Variants in POLQ observed in about 807,000 individuals in gnomAD.
POLQ encodes DNA polymerase theta, also known as epididymis secretory sperm binding protein.
In POLQ, 233 loss-of-function variants were observed where a neutral mutation model predicts 259.2. That is an observed-to-expected ratio of 0.90 (90% CI 0.81 to 1.00). The LOEUF (loss-of-function observed/expected upper bound fraction) is 1.00, where lower values mean the gene tolerates loss of function less well. POLQ is among the 50% of genes least tolerant of loss of function. POLQ has a pLI of 0.00. For missense variants in POLQ, 2,871 were observed against 3,051.6 expected (o/e 0.94, Z 1.39); for synonymous variants, 1,025 against 1,048.8 (o/e 0.98, Z 0.44).
At chr3:121,451,235 T>A (rs1337538103) in intron 25 of POLQ, among the ~76,000 whole-genome samples, 1 of 152,228 alleles carries the variant, frequency 6.6e-6, no homozygotes, top group African/African-American at 2.4e-5. Flanking sequence ...GGGTCCAAAC[T>A]TCCTCCTTTA....
In POLQ at chr3:121,524,937, TACACAC is replaced by T. The variant is rs33965431; in HGVS notation, c.1109-2794_1109-2789del. Among the ~76,000 whole-genome samples the T allele has an allele frequency of 7.0e-3, 1,032 of 148,126 alleles. 12 individuals are homozygous for T. The highest frequency in any genetic ancestry group is 0.037 in the East Asian group (188 of 5,058). The stretch of plus-strand genomic sequence containing the variant: ...ATGTGCGTGTATATTTGTGTATAAA[TACACAC>T]ACACACACACACACACACACACACA... On this transcript the variant is annotated intron_variant, in intron 7 of 29. Coordinates refer to ENST00000264233, the MANE Select transcript of POLQ (RefSeq NM_199420.4).
intron 9 of POLQ, among the ~76,000 whole-genome samples, chr3:121,517,481 G>C (rs959541604): frequency 6.6e-6 from 1 of 152,058 alleles, no homozygotes; most frequent in African/African-American, 2.4e-5. Flanking sequence ...ACTGAAAGCT[G>C]TTCCAATAGC....
chr3:121,474,313 G>GCC (rs1452032759), intron 20 of POLQ, among the ~76,000 whole-genome samples: 1 of 152,124 alleles, frequency 6.6e-6, no homozygotes, highest in Non-Finnish European at 1.5e-5. Context: ...GGAGAAGGTG[G>GCC]CCAATACAAT....
Position 121,544,722 on chromosome 3 carries a change from G to T in POLQ, c.343+5C>A, listed in dbSNP as rs2048516608. ...ATAGTAATTAGTTTACATAAATTTG[G>T]ATACCTGAATAAACTAAATTCTTTC... On this transcript the variant is annotated splice_donor_5th_base_variant and intron_variant, in intron 2 of 29. Transcript: ENST00000264233. The T allele has an allele frequency of 1.3e-6, 2 of 1,569,414 alleles. No individual in the cohort carries two copies. The highest frequency in any genetic ancestry group is 8.8e-7 in the Non-Finnish European group (1 of 1,141,342).
rs1342280515 is a variant in POLQ at position 121,431,674 on chromosome 3, A to G, written c.*630T>C. 5 of 152,684 alleles carry G rather than the reference A, an allele frequency of 3.3e-5. No individual in the cohort carries two copies. Among genetic ancestry groups the G allele is most frequent in the Admixed American group, 3.3e-4 (5 of 15,280 alleles). The allele number at this position is 152,684 out of a possible 1,614,324, so 9.5% of individuals were successfully genotyped here. A position where few individuals can be genotyped will look rare whatever the true frequency, so the allele number is the denominator to read the frequency against. On this transcript the variant is annotated 3_prime_UTR_variant, in exon 30 of 30. Coordinates refer to ENST00000264233, the MANE Select transcript of POLQ (RefSeq NM_199420.4). ...AGGTATAGTTTATTTTATAATATGT[A>G]AGTATTCCAAATACATTCATTGTAT...
intron 5 of POLQ, among the ~76,000 whole-genome samples, chr3:121,533,653 C>T (rs1314845591): frequency 6.6e-6 from 1 of 152,120 alleles, no homozygotes; most frequent in Non-Finnish European, 1.5e-5. Flanking sequence ...GTAGCTGGGA[C>T]TATAGGTGTG....
chr3:121,462,787 C>A (rs2047802587), intron 24 of POLQ, among the ~76,000 whole-genome samples: 1 of 152,162 alleles, frequency 6.6e-6, no homozygotes, highest in Non-Finnish European at 1.5e-5. Flanking sequence ...ACCTTATGAA[C>A]AGGAATAACC....
chr3:121,447,373 T>C (rs777181690), intron 26 of POLQ, among the ~76,000 whole-genome samples: 1 of 151,936 alleles, frequency 6.6e-6, no homozygotes, highest in Non-Finnish European at 1.5e-5. Flanking sequence ...AGTTTCACCA[T>C]GTTGGTCTTG....
rs903756826 is a variant in POLQ at position 121,541,207 on chromosome 3, G to A, written c.474+142C>T. ...CTTGCTGTAAATTTTTAATGCTTTTGGCAGTAGCCTCTTAAAGCTACATAG... is the reference window on the plus strand; with the variant it reads ...CTTGCTGTAAATTTTTAATGCTTTTAGCAGTAGCCTCTTAAAGCTACATAG... On this transcript the variant is annotated intron_variant, in intron 3 of 29. Transcript: ENST00000264233. 1.6e-4 allele frequency: 115 copies of A among 712,042 alleles called. 1 individual carries two copies. The highest frequency in any genetic ancestry group is 1.3e-3 in the Middle Eastern group (3 of 2,346). The allele number at this position is 712,042 out of a possible 1,614,324, so 44.1% of individuals were successfully genotyped here. A position where few individuals can be genotyped will look rare whatever the true frequency, so the allele number is the denominator to read the frequency against.
At chr3:121,478,082 G>A (rs576895674) in intron 19 of POLQ, among the ~76,000 whole-genome samples, 3 of 152,260 alleles carry the variant, frequency 2.0e-5, no homozygotes, top group East Asian at 3.9e-4. Context: ...GAGCAAGGTC[G>A]TTATGGGAAT....
intron 13 of POLQ, 121 bp from the exon 14 acceptor site, chr3:121,497,053 G>T: frequency 1.0e-6 from 1 of 987,998 alleles, no homozygotes; most frequent in Non-Finnish European, 1.5e-6. Context: ...ACATTGTGGT[G>T]AGATTCTTAA....
chr3:121,484,328 C>T (rs1482640255), intron 17 of POLQ, among the ~76,000 whole-genome samples: 1 of 152,120 alleles, frequency 6.6e-6, no homozygotes, highest in Non-Finnish European at 1.5e-5. Flanking sequence ...TTATATAATT[C>T]GACTACTATA....
chr3:121,526,890 T>TGTGTGCGC (rs542001955), intron 7 of POLQ, among the ~76,000 whole-genome samples: 1 of 151,346 alleles, frequency 6.6e-6, no homozygotes, highest in Non-Finnish European at 1.5e-5. Flanking sequence ...TGTGTGTGTG[T>TGTGTGCGC]GCGCGCGCGC....
At chr3:121,494,692 C>T in intron 14 of POLQ, 2 of 1,579,110 alleles carry the variant, frequency 1.3e-6, no homozygotes, top group Admixed American at 3.4e-5. Context: ...GTCTAGTCCA[C>T]AGGAAGACCT....
intron 28 of POLQ, among the ~76,000 whole-genome samples, chr3:121,434,072 T>C (rs574393819): frequency 2.0e-5 from 3 of 152,246 alleles, no homozygotes; most frequent in Non-Finnish European, 2.9e-5. Context: ...AAGCCACACT[T>C]GGCTCACACC....
At chr3:121,456,174 A>C (rs965621777) in intron 25 of POLQ, among the ~76,000 whole-genome samples, 2 of 152,220 alleles carry the variant, frequency 1.3e-5, no homozygotes, top group African/African-American at 4.8e-5. Context: ...CTTTGGCAAA[A>C]TTCAACAACG....
At position 121,489,142 on chromosome 3, in the gene POLQ, C is replaced by T. The variant is rs770278331; in HGVS notation, c.3789G>A (p.Val1263=). The T allele has an allele frequency of 6.2e-7, 1 of 1,613,916 alleles. No individual in the cohort carries two copies. Among genetic ancestry groups the T allele is most frequent in the Non-Finnish European group, 8.5e-7 (1 of 1,179,916 alleles). Reference sequence around the variant, plus strand: ...CTGATGGAAGTACTTCACTGGGTATCACAGTTCTGCTTATATCATCTCCTA... The same window carrying T: ...CTGATGGAAGTACTTCACTGGGTATTACAGTTCTGCTTATATCATCTCCTA... The part of the protein sequence containing the change: ...QALGDDISRT[V]IPSEVLPSAG... Residue 1263 remains valine (V), a synonymous_variant, in exon 16 of 30, where the codon GTG becomes GTA. Transcript: ENST00000264233.
chr3:121,490,394 ACTGC>A lies in POLQ; in HGVS notation c.2533_2536del (p.Ala845TrpfsTer19). ...TTCAACTGCTTCCTCTTCCTCATCC[ACTGC>A]CTTCCGGGCACTACACAAGGAGATG... On this transcript the variant is annotated frameshift_variant, in exon 16 of 30. Transcript: ENST00000264233. LOFTEE classifies it high-confidence loss of function. 1 of 1,613,926 alleles carries A rather than the reference ACTGC, an allele frequency of 6.2e-7. No individual in the cohort carries two copies. The highest frequency in any genetic ancestry group is 8.5e-7 in the Non-Finnish European group (1 of 1,179,860).
rs756899075 is a variant in POLQ at position 121,489,391 on chromosome 3, C to T, written c.3540G>A (p.Gln1180=). Residue 1180 remains glutamine, a synonymous_variant, in exon 16 of 30, where the codon CAG becomes CAA. Transcript: ENST00000264233. ...EVLIQNGSKN[Q]NVYMKHHDIH... is the part of the protein sequence containing the mutation. ...TGTCATGGTGTTTCATATAAACATT[C>T]TGGTTTTTTGAACCATTTTGTATCA... 6.2e-7 allele frequency: 1 copy of T among 1,613,366 alleles called. No individual in the cohort carries two copies. Among genetic ancestry groups the T allele is most frequent in the Non-Finnish European group, 8.5e-7 (1 of 1,179,874 alleles).
Sources: gnomAD v4.1 joint callset for allele counts (sites outside exome capture counted in the v4.1 genomes callset) on GRCh38, gnomAD v4.1.1 for gene constraint, MANE v1.5 for transcripts, NCBI Gene and HGNC (gene_info 2026-07-23, HGNC 2026-07-21) for gene names.